The following LBHD1 variants were observed in gnomAD, a reference collection of about 807,000 sequenced individuals.
LBHD1 encodes the protein LBH domain-containing protein 1.
LBHD1 carries 28 observed loss-of-function variants against 31.1 expected under a neutral mutation model. The ratio of observed to expected loss-of-function variants is 0.90; its 90% CI spans 0.67 to 1.24. LBHD1 has a LOEUF of 1.24. Ranked by LOEUF, LBHD1 falls within the 50% of genes most tolerant of loss-of-function variation. LBHD1 has a pLI of 0.00. For synonymous variants in LBHD1, 105 were observed against 116.5 expected, an observed-to-expected ratio of 0.90 and a Z score of 0.63; for missense variants, 350 against 323.0, an observed-to-expected ratio of 1.08 and a Z score of -0.64.
chr11:62,666,555 C>T (rs1944818606), intron 4 of LBHD1: 2 of 1,614,194 alleles, frequency 1.2e-6, no homozygotes, highest in Non-Finnish European at 1.7e-6. Context: ...GCTGCCAGTC[C>T]TCTGCGAGTG....
chr11:62,667,694 C>G lies in LBHD1; in HGVS notation c.367G>C (p.Gly123Arg), dbSNP rs1429098352. Residue 123 changes from glycine to arginine, a missense_variant, in exon 4 of 7, where the codon GGA becomes CGA. Physicochemically the swap from Gly to Arg is moderately radical, Grantham distance 125. Coordinates refer to ENST00000354588, the MANE Select transcript of LBHD1 (RefSeq NM_024099.5). ...TCCTGGTCCTGCCCCCAGCTGAGTCCAGCGTTAAATGTTCTTAAAGGACTT... is the reference window on the plus strand; with the variant it reads ...TCCTGGTCCTGCCCCCAGCTGAGTCGAGCGTTAAATGTTCTTAAAGGACTT... ...PRSPLRTFNA[G>R]LSWGQDQDEE... is the part of the protein sequence containing the mutation. The G allele has an allele frequency of 1.2e-6, 2 of 1,614,012 alleles. No homozygotes were observed. Among genetic ancestry groups the G allele is most frequent in the Non-Finnish European group, 1.7e-6 (2 of 1,180,030 alleles).
intron 4 of LBHD1, chr11:62,665,499 C>T (rs769095056): frequency 6.9e-5 from 108 of 1,573,626 alleles, no homozygotes; most frequent in Non-Finnish European, 7.7e-5. Flanking sequence ...GGGCTCTGGC[C>T]CCCTCGGCGT....
chr11:62,669,593 C>G (rs1235988041), intron 3 of LBHD1, 48 bp downstream of exon 3: 1 of 1,579,638 alleles, frequency 6.3e-7, no homozygotes, highest in African/African-American at 1.3e-5. Context: ...TGGCTCTGCC[C>G]AGAACATTCA....
intron 4 of LBHD1, chr11:62,666,283 C>G: frequency 8.9e-7 from 1 of 1,119,532 alleles, no homozygotes. Context: ...GTACTCAACC[C>G]TGGGTCACAG....
intron 4 of LBHD1, 151 bp downstream of exon 4, chr11:62,667,372 C>G: frequency 2.6e-6 from 2 of 783,632 alleles, no homozygotes; most frequent in Non-Finnish European, 4.1e-6. Flanking sequence ...GGAACTGAAT[C>G]AAAACCCCTG....
rs749017072 is a variant in LBHD1, at chr11:62,670,009, C to T, written c.23G>A (p.Ser8Asn). 1.9e-6 allele frequency: 3 copies of T among 1,612,566 alleles called. No individual in the cohort carries two copies. Among genetic ancestry groups the T allele is most frequent in the Non-Finnish European group, 2.5e-6 (3 of 1,179,342 alleles). Reference sequence around the variant, plus strand: ...TCTAGTCCAAAGCCCATCCTCCTTGCTTCTCCCTGGCACAAGGGCCATGGT... The same window carrying T: ...TCTAGTCCAAAGCCCATCCTCCTTGTTTCTCCCTGGCACAAGGGCCATGGT... The part of the protein sequence containing the change: MALVPGR[S>N]KEDGLWTRNS... Residue 8 changes from serine to asparagine, a missense_variant, in exon 2 of 7, where the codon AGC (serine) becomes AAC (asparagine). By Grantham distance (46) the Ser-to-Asn change is conservative. Transcript: ENST00000354588.
At chr11:62,671,331 G>T in intron 1 of LBHD1, 1 of 1,005,120 alleles carries the variant, frequency 9.9e-7, no homozygotes, top group Non-Finnish European at 1.4e-6. Flanking sequence ...TGCCCTCCAT[G>T]CGCTGTGTTG....
intron 4 of LBHD1, chr11:62,666,566 C>T (rs1217291618): frequency 6.2e-7 from 1 of 1,614,170 alleles, no homozygotes; most frequent in Non-Finnish European, 8.5e-7. Context: ...TCTGCGAGTG[C>T]TGGATGTGGG....
At chr11:62,665,989 G>T in intron 4 of LBHD1, 6 of 1,579,644 alleles carry the variant, frequency 3.8e-6, no homozygotes, top group Non-Finnish European at 5.2e-6. Context: ...GGTGGGGGCA[G>T]AGTGGGGAGG....
intron 5 of LBHD1, 26 bp downstream of exon 5, chr11:62,664,823 C>G (rs1210118543): frequency 1.3e-6 from 2 of 1,554,090 alleles, no homozygotes; most frequent in East Asian, 2.4e-5. Context: ...TGGGGACGAC[C>G]AACAGGAAGA....
At chr11:62,666,435 G>A in intron 4 of LBHD1, 1 of 1,612,612 alleles carries the variant, frequency 6.2e-7, no homozygotes, top group Non-Finnish European at 8.5e-7. Context: ...CGCTGTCTCT[G>A]GGATCGGCTG....
chr11:62,672,214 T>TA lies in LBHD1; in HGVS notation c.-662dup. On this transcript the variant is annotated 5_prime_UTR_variant, in exon 1 of 7. It removes the in-frame stop codon of an upstream open reading frame in the 5' UTR. Transcript: ENST00000354588. ...GCCCAGCGGAGAGTCCGGACCGAGA[T>TA]ACCATGCCAGGACTCTCCGGGGTCC... 7.9e-7 allele frequency: 1 copy of TA among 1,262,210 alleles called. No individual in the cohort carries two copies. The highest frequency in any genetic ancestry group is 1.1e-6 in the Non-Finnish European group (1 of 915,128). The allele number at this position is 1,262,210 out of a possible 1,614,324, so 78.2% of individuals were successfully genotyped here. A position where few individuals can be genotyped will look rare whatever the true frequency, so the allele number is the denominator to read the frequency against.
intron 3 of LBHD1, 168 bp from the exon 4 acceptor site, chr11:62,667,915 C>A: frequency 3.4e-6 from 2 of 588,636 alleles, no homozygotes; most frequent in Admixed American, 5.9e-5. Context: ...TCTACAAAAA[C>A]AAATGAGCCC....
intron 4 of LBHD1, chr11:62,666,471 T>TC (rs1447376664): frequency 2.5e-6 from 4 of 1,613,742 alleles, no homozygotes; most frequent in Non-Finnish European, 3.4e-6. Context: ...TTGGGCACTG[T>TC]CCCCACCTTC....
At position 62,666,145 on chromosome 11, in the gene LBHD1, G is replaced by A. The variant is rs762131721; in HGVS notation, c.539-1172C>T. On this transcript the variant is annotated intron_variant, in intron 4 of 6. Coordinates refer to ENST00000354588, the MANE Select transcript of LBHD1 (RefSeq NM_024099.5). ...GGCAGATCGCTTGGCCCAGGAGTTCGAGACCAACCTAGGGCAACATAGCGA... is the reference window on the plus strand; with the variant it reads ...GGCAGATCGCTTGGCCCAGGAGTTCAAGACCAACCTAGGGCAACATAGCGA... 3.3e-5 allele frequency: 24 copies of A among 737,114 alleles called. No homozygotes were observed. In the Middle Eastern group the frequency reaches 1.9e-3, roughly 59 times the overall value. The allele number at this position is 737,114 out of a possible 1,614,324, so 45.7% of individuals were successfully genotyped here.
chr11:62,667,603 A>C lies in LBHD1; in HGVS notation c.458T>G (p.Phe153Cys), dbSNP rs749546913. The C allele has an allele frequency of 2.2e-5, 36 of 1,613,982 alleles. No individual in the cohort carries two copies. The highest frequency in any genetic ancestry group is 3.0e-5 in the Non-Finnish European group (35 of 1,180,022). Residue 153 changes from phenylalanine to cysteine, a missense_variant, in exon 4 of 7, where the codon TTC (phenylalanine) becomes TGC (cysteine). By Grantham distance (205) the Phe-to-Cys change is radical. Coordinates refer to ENST00000354588, the MANE Select transcript of LBHD1 (RefSeq NM_024099.5). ...AACACGGGAGCCTGTTGAGTCCCAG[A>C]AGGGACAGTGGTTGGTGGCTTCCAG... ...ACLEATNHCP[F>C]WDSTGSRVCR...
At chr11:62,667,017 C>G in intron 4 of LBHD1, 1 of 1,609,546 alleles carries the variant, frequency 6.2e-7, no homozygotes, top group Non-Finnish European at 8.5e-7. Flanking sequence ...AGGGGCATCA[C>G]CTACTTTGCT....
In LBHD1 at chr11:62,667,396, G is replaced by T. The variant is rs770090933; in HGVS notation, c.538+127C>A. On this transcript the variant is annotated intron_variant, in intron 4 of 6. Transcript: ENST00000354588. ...TCAAAACCCCTGCGCTGACTGACTT[G>T]TATAATCTAGTGGCCTAACCTGTAA... The T allele has an allele frequency of 3.2e-6, 3 of 947,460 alleles. No individual in the cohort carries two copies. The South Asian group carries it at 4.4e-5, about 14-fold the overall frequency. 58.7% of individuals were successfully genotyped at this position (947,460 alleles called of 1,614,324 possible).
chr11:62,667,680 C>A lies in LBHD1; in HGVS notation c.381G>T (p.Gly127=), dbSNP rs201392358. 6.2e-7 allele frequency: 1 copy of A among 1,614,116 alleles called. No homozygotes were observed. The highest frequency in any genetic ancestry group is 2.2e-5 in the East Asian group (1 of 44,892). ...LRTFNAGLSW[G]QDQDEEDACW... is the part of the protein sequence containing the mutation. Reference sequence around the variant, plus strand: ...AAGCATCTTCTTCATCCTGGTCCTGCCCCCAGCTGAGTCCAGCGTTAAATG... The same window carrying A: ...AAGCATCTTCTTCATCCTGGTCCTGACCCCAGCTGAGTCCAGCGTTAAATG... Residue 127 remains glycine, a synonymous_variant, in exon 4 of 7, where the codon GGG becomes GGT. Transcript: ENST00000354588.
Sources: gnomAD v4.1 joint callset for allele counts on GRCh38, gnomAD v4.1.1 for gene constraint, MANE v1.5 for transcripts, NCBI Gene and HGNC (gene_info 2026-07-23, HGNC 2026-07-21) for gene names.